Variants in GREB1L observed in about 807,000 individuals in gnomAD.
GREB1L encodes the protein GREB1 like retinoic acid receptor coactivator, also known as GREB1-like protein.
In GREB1L, 17 loss-of-function variants were observed where a neutral mutation model predicts 200.8. The ratio of observed to expected loss-of-function variants is 0.08; its 90% confidence interval spans 0.06 to 0.13. The LOEUF is 0.13. GREB1L is among the 10% of genes least tolerant of loss of function. The probability of loss-of-function intolerance (pLI) is 1.00; values close to 1 mark genes in which losing one functional copy is unlikely to be tolerated. For missense variants in GREB1L, 1,657 were observed against 2,367.7 expected (o/e 0.70, Z 6.23); for synonymous variants, 789 against 893.0 (o/e 0.88, Z 2.08).
Position 21,518,082 on chromosome 18 carries a change from C to T in GREB1L, c.5320C>T (p.Pro1774Ser), listed in dbSNP as rs2037485164. The change falls in exon 31 of 33, where the codon CCC becomes TCC. Residue 1774 changes from proline (P) to serine (S), a missense_variant. Coordinates refer to ENST00000424526, the MANE Select transcript of GREB1L (RefSeq NM_001142966.3). ...PILPLQYICAPDSEHTLLAAP... is the reference protein window; with the variant it reads ...PILPLQYICASDSEHTLLAAP... ...CTTGCCCCTTCAATACATCTGTGCT[C>T]CCGACAGTGAACACACACTACTGGC... The T allele has an allele frequency of 6.4e-7, 1 of 1,551,622 alleles. No homozygotes were observed. The highest frequency in any genetic ancestry group is 8.7e-7 in the Non-Finnish European group (1 of 1,146,960).
At chr18:21,254,059 A>G (rs556804701) in intron 1 of GREB1L, among the ~76,000 whole-genome samples, 2 of 114,082 alleles carry the variant, frequency 1.8e-5, no homozygotes, top group East Asian at 4.6e-4. Flanking sequence ...GCTTTCAGGC[A>G]TATTTTTTTT....
Position 21,473,161 on chromosome 18 carries a change from G to C in GREB1L, c.2313G>C (p.Pro771=), listed in dbSNP as rs1237213913. 23 of 1,548,746 alleles carry C rather than the reference G, an allele frequency of 1.5e-5. No homozygotes were observed. Among genetic ancestry groups the C allele is most frequent in the Non-Finnish European group, 1.9e-5 (22 of 1,145,450 alleles). ...EVFMRRVKQN[P]YTLFVLVHDN... is the part of the protein sequence containing the mutation. ...TTATGAGGAGAGTGAAACAGAACCC[G>C]TACACACTGTTTGTGCTAGTTCATG... Residue 771 remains proline, a synonymous_variant, in exon 16 of 33, where the codon CCG becomes CCC. Transcript: ENST00000424526.
intron 27 of GREB1L, among the ~76,000 whole-genome samples, chr18:21,512,584 A>G (rs947882106): frequency 2.6e-5 from 4 of 152,120 alleles, no homozygotes; most frequent in Admixed American, 6.6e-5. Flanking sequence ...TTAGTTTTCT[A>G]TGTATATGTT....
intron 1 of GREB1L, among the ~76,000 whole-genome samples, chr18:21,336,758 G>A (rs1400124369): frequency 6.6e-6 from 1 of 152,138 alleles, no homozygotes; most frequent in Non-Finnish European, 1.5e-5. Context: ...ATAGGCAGCG[G>A]CACCATGATT....
chr18:21,490,778 G>A (rs952431741), intron 19 of GREB1L, among the ~76,000 whole-genome samples: 1 of 152,166 alleles, frequency 6.6e-6, no homozygotes. Context: ...CTCTCTGTGA[G>A]CTCATGTCTA....
At chr18:21,448,169 A>AC (rs1344119100) in intron 11 of GREB1L, among the ~76,000 whole-genome samples, 1 of 151,424 alleles carries the variant, frequency 6.6e-6, no homozygotes, top group Admixed American at 6.6e-5. Flanking sequence ...CAAAAAAAAA[A>AC]AAAAGCAGCA....
chr18:21,304,514 T>C (rs62089233), intron 1 of GREB1L, among the ~76,000 whole-genome samples: 18 of 151,928 alleles, frequency 1.2e-4, no homozygotes, highest in Non-Finnish European at 2.4e-4. Flanking sequence ...ATTTGGATTA[T>C]TTAAAAAAAA....
At chr18:21,281,704 A>T (rs916297054) in intron 1 of GREB1L, among the ~76,000 whole-genome samples, 1 of 152,156 alleles carries the variant, frequency 6.6e-6, no homozygotes, top group African/African-American at 2.4e-5. Context: ...TGTGTGTCTC[A>T]AAGATACAAT....
chr18:21,371,485 A>T (rs1342507970), intron 2 of GREB1L, among the ~76,000 whole-genome samples: 4 of 144,858 alleles, frequency 2.8e-5, no homozygotes, highest in South Asian at 2.2e-4. Flanking sequence ...TTTTTTTTTT[A>T]AAGTAAAAAT....
chr18:21,332,713 G>A (rs1298404971), intron 1 of GREB1L, among the ~76,000 whole-genome samples: 1 of 152,052 alleles, frequency 6.6e-6, no homozygotes, highest in Non-Finnish European at 1.5e-5. Context: ...GACCTCAAGT[G>A]ATCTACCTGC....
Position 21,447,188 on chromosome 18 carries a change from G to A in GREB1L, c.1394-2322G>A, listed in dbSNP as rs1427013684. ...TAATCTCAGCACCTTGGGAGGCTGA[G>A]GCAGAAGGATCACTTGAGCCCAGAA... On this transcript the variant is annotated intron_variant, in intron 11 of 32. Transcript: ENST00000424526. Among the ~76,000 whole-genome samples the A allele has an allele frequency of 2.0e-5, 3 of 152,078 alleles. 1 individual carries two copies. The East Asian group carries it at 5.8e-4, about 29-fold the overall frequency.
In GREB1L at chr18:21,453,166, T is replaced by C. The variant is rs149217000; in HGVS notation, c.1984+949T>C. On this transcript the variant is annotated intron_variant, in intron 14 of 32. Transcript: ENST00000424526. ...TTCTTGGTTCCCTGTTTAAAAACCT[T>C]GTTTAAAGATGTTTTTGAAATAACA... is the stretch of plus-strand genomic sequence containing the variant. Among the ~76,000 whole-genome samples the C allele has an allele frequency of 3.0e-4, 45 of 152,356 alleles. No homozygotes were observed. In the East Asian group the frequency reaches 7.1e-3, roughly 24 times the overall value.
At chr18:21,307,155 C>T (rs1457771110) in intron 1 of GREB1L, among the ~76,000 whole-genome samples, 1 of 152,178 alleles carries the variant, frequency 6.6e-6, no homozygotes, top group Non-Finnish European at 1.5e-5. Flanking sequence ...AGCAATTTTT[C>T]CTTTAGGAGT....
intron 1 of GREB1L, among the ~76,000 whole-genome samples, chr18:21,298,391 T>C (rs2038563813): frequency 6.6e-6 from 1 of 152,248 alleles, no homozygotes; most frequent in South Asian, 2.1e-4. Context: ...ACTTATTTTC[T>C]AATAACTCAC....
chr18:21,432,098 T>C (rs1333462780), intron 7 of GREB1L, among the ~76,000 whole-genome samples: 1 of 151,940 alleles, frequency 6.6e-6, no homozygotes, highest in African/African-American at 2.4e-5. Context: ...AATTTTTTTG[T>C]ATTTTTAGTG....
chr18:21,461,785 A>G (rs2035057737), intron 15 of GREB1L, among the ~76,000 whole-genome samples: 2 of 152,236 alleles, frequency 1.3e-5, no homozygotes, highest in African/African-American at 4.8e-5. Flanking sequence ...CTATGCATGA[A>G]TATTTGCTGA....
intron 7 of GREB1L, among the ~76,000 whole-genome samples, chr18:21,432,277 A>G (rs370145910): frequency 1.4e-4 from 22 of 152,196 alleles, no homozygotes; most frequent in African/African-American, 5.3e-4. Context: ...TCTGGCTACT[A>G]TTTATATGGC....
chr18:21,419,661 G>C (rs898361172), intron 7 of GREB1L, among the ~76,000 whole-genome samples: 2 of 152,176 alleles, frequency 1.3e-5, no homozygotes, highest in African/African-American at 4.8e-5. Context: ...TGTTGACCAG[G>C]CTGTCTTGAA....
At chr18:21,511,364 C>CA (rs553890067) in intron 27 of GREB1L, among the ~76,000 whole-genome samples, 75 of 142,494 alleles carry the variant, frequency 5.3e-4, no homozygotes, top group Middle Eastern at 3.6e-3. Context: ...AACTCCGTCT[C>CA]AAAAAAAAAA....
Sources: gnomAD v4.1 joint callset for allele counts (sites outside exome capture counted in the v4.1 genomes callset) on GRCh38, gnomAD v4.1.1 for gene constraint, MANE v1.5 for transcripts, NCBI Gene and HGNC (gene_info 2026-07-23, HGNC 2026-07-21) for gene names.